GPHN: variants seen among roughly 807,000 people sequenced by gnomAD.
GPHN encodes gephyrin.
Under a neutral mutation model 95.5 loss-of-function variants are expected in GPHN, and 17 were observed. The observed-to-expected ratio is 0.18, with a 90% CI of 0.12 to 0.27. The LOEUF (loss-of-function observed/expected upper bound fraction) is 0.27, where lower values mean the gene tolerates loss of function less well. Ranked by LOEUF, GPHN falls within the 10% of genes least tolerant of loss-of-function variation. The pLI is 1.00. For synonymous variants in GPHN, 320 were observed against 322.5 expected (o/e 0.99, Z 0.08); for missense variants, 660 against 978.1 (o/e 0.67, Z 4.34).
the GPHN span, chr14:67,559,510 T>A: frequency 1.3e-6 from 1 of 748,490 alleles, no homozygotes; most frequent in Non-Finnish European, 2.4e-6. Flanking sequence ...GCGAGGTCAG[T>A]GGCACGCACA....
At chr14:67,724,389 A>C in the GPHN span, 1 of 852,058 alleles carries the variant, frequency 1.2e-6, no homozygotes, top group Non-Finnish European at 1.8e-6. Context: ...GAGGCTGGAT[A>C]GAGTTTTTTT....
chr14:66,665,898 A>G (rs573284656), intron 1 of GPHN, among the ~76,000 whole-genome samples: 42 of 152,346 alleles, frequency 2.8e-4, no homozygotes, highest in Non-Finnish European at 4.6e-4. Flanking sequence ...TGGCACATGT[A>G]CATCATGGAA....
At chr14:67,580,857 C>G in the GPHN span, 5 of 902,806 alleles carry the variant, frequency 5.5e-6, no homozygotes, top group South Asian at 4.2e-5. Flanking sequence ...CTCTTCTGCT[C>G]TGAGTCCAGC....
the GPHN span, among the ~76,000 whole-genome samples, chr14:67,439,003 A>G: frequency 2.0e-5 from 3 of 152,228 alleles, no homozygotes; most frequent in Non-Finnish European, 4.4e-5. Context: ...AACAGGCATC[A>G]GTTCCTAAAG....
intron 4 of GPHN, among the ~76,000 whole-genome samples, chr14:66,851,473 T>C (rs923228774): frequency 2.6e-5 from 4 of 152,220 alleles, no homozygotes; most frequent in Admixed American, 2.0e-4. Flanking sequence ...TGGATTCTTT[T>C]GTTTAGTGTC....
chr14:67,002,004 G>T (rs1359907345), intron 9 of GPHN, among the ~76,000 whole-genome samples: 2 of 151,538 alleles, frequency 1.3e-5, no homozygotes, highest in Non-Finnish European at 3.0e-5. Context: ...AATTTTCCCT[G>T]GTCACCTTTT....
intron 2 of GPHN, among the ~76,000 whole-genome samples, chr14:66,727,615 A>G (rs2153431776): frequency 6.6e-6 from 1 of 152,262 alleles, no homozygotes; most frequent in South Asian, 2.1e-4. Flanking sequence ...TAGCAAAGAG[A>G]CTTGCCCCTG....
chr14:67,494,235 A>G, the GPHN span, among the ~76,000 whole-genome samples: 1 of 152,324 alleles, frequency 6.6e-6, no homozygotes, highest in Non-Finnish European at 1.5e-5. Context: ...TCTCTCATTA[A>G]CCATGTAATT....
chr14:67,442,616 G>C, the GPHN span, among the ~76,000 whole-genome samples: 23 of 152,312 alleles, frequency 1.5e-4, no homozygotes, highest in African/African-American at 4.8e-4. Context: ...TCTCTCTCCT[G>C]TAGACCAGGA....
At chr14:66,617,842 T>A (rs1163600474) in intron 1 of GPHN, among the ~76,000 whole-genome samples, 1 of 152,238 alleles carries the variant, frequency 6.6e-6, no homozygotes, top group East Asian at 1.9e-4. Flanking sequence ...AAACCTTCCA[T>A]GTATTCATTT....
At chr14:67,511,518 T>C in the GPHN span, among the ~76,000 whole-genome samples, 3 of 152,078 alleles carry the variant, frequency 2.0e-5, no homozygotes. Flanking sequence ...GAAAAAAATA[T>C]TAAACTCCCT....
the GPHN span, among the ~76,000 whole-genome samples, chr14:67,491,900 C>T: frequency 6.6e-6 from 1 of 152,190 alleles, no homozygotes; most frequent in East Asian, 1.9e-4. Flanking sequence ...GCCGCGGGGG[C>T]CTGCCTGGCA....
chr14:67,600,098 G>A, the GPHN span: 1 of 1,595,934 alleles, frequency 6.3e-7, no homozygotes, highest in Non-Finnish European at 8.5e-7. Context: ...CGCAGCGAGA[G>A]CCGAGGGCAG....
chr14:66,981,962 C>T (rs1051167363), intron 9 of GPHN, among the ~76,000 whole-genome samples: 1 of 152,032 alleles, frequency 6.6e-6, no homozygotes, highest in African/African-American at 2.4e-5. Flanking sequence ...ACAAAATATA[C>T]AACATTTTCT....
intron 11 of GPHN, among the ~76,000 whole-genome samples, chr14:67,080,982 T>C (rs1014132696): frequency 6.6e-6 from 1 of 152,190 alleles, no homozygotes; most frequent in Non-Finnish European, 1.5e-5. Context: ...GGTATACATA[T>C]ACCACAATTT....
At chr14:67,463,976 T>C in the GPHN span, among the ~76,000 whole-genome samples, 1 of 152,194 alleles carries the variant, frequency 6.6e-6, no homozygotes, top group African/African-American at 2.4e-5. Context: ...CAAGGATCTG[T>C]GGGACTTGAG....
At chr14:67,295,319 T>C in the GPHN span, among the ~76,000 whole-genome samples, 1 of 151,442 alleles carries the variant, frequency 6.6e-6, no homozygotes, top group Non-Finnish European at 1.5e-5. Context: ...ACCTGGTCTC[T>C]ACTAAAAAAA....
At chr14:67,493,245 CATCT>C in the GPHN span, among the ~76,000 whole-genome samples, 3 of 152,188 alleles carry the variant, frequency 2.0e-5, no homozygotes, top group Admixed American at 6.5e-5. Flanking sequence ...CTTACCCATC[CATCT>C]ATCAGCCCTC....
chr14:67,292,669 G>T, the GPHN span: 1 of 1,613,564 alleles, frequency 6.2e-7, no homozygotes, highest in Admixed American at 1.7e-5. Context: ...CATGAACAAG[G>T]CCAGTCCTCC....
Sources: allele counts gnomAD v4.1 joint callset (sites outside exome capture counted in the v4.1 genomes callset), GRCh38; gene constraint gnomAD v4.1.1; transcripts MANE v1.5; gene names NCBI Gene and HGNC (gene_info 2026-07-23, HGNC 2026-07-21).